Variants in PLD3 observed in about 807,000 individuals in gnomAD.
PLD3 encodes the protein phospholipase D family member 3.
A neutral mutation model predicts 58.4 loss-of-function variants in PLD3; 31 were observed. The ratio of observed to expected loss-of-function variants is 0.53; its 90% CI spans 0.40 to 0.72. The LOEUF (loss-of-function observed/expected upper bound fraction) is 0.72, where lower values mean the gene tolerates loss of function less well. PLD3 is among the 30% of genes least tolerant of loss of function. PLD3 has a pLI of 0.00. For synonymous variants in PLD3, 264 were observed against 273.4 expected (o/e 0.97, Z 0.34); for missense variants, 595 against 659.8 (o/e 0.90, Z 1.08).
At chr19:40,364,962 AAAAAG>A (rs796531103) in intron 1 of PLD3, among the ~76,000 whole-genome samples, 9 of 152,264 alleles carry the variant, frequency 5.9e-5, no homozygotes, top group East Asian at 1.9e-4. Context: ...CTGGCACTAA[AAAAAG>A]AAAAGAAAAG....
rs1207068005 is a variant in PLD3 at position 40,376,750 on chromosome 19, C to T, written c.1161C>T (p.Asn387=). The T allele has an allele frequency of 6.2e-7, 1 of 1,600,478 alleles. No homozygotes were observed. Among genetic ancestry groups the T allele is most frequent in the South Asian group, 1.1e-5 (1 of 91,078 alleles). Residue 387 remains asparagine (N), a synonymous_variant, in exon 11 of 13, where the codon AAC becomes AAT. Transcript: ENST00000409735. ...FLLSLAALRD[N]HTHSDIQVKL... ...TCTCTCTGGCTGCCCTGCGTGACAA[C>T]CATACCCACTCTGACATCCAGGTGG...
intron 1 of PLD3, among the ~76,000 whole-genome samples, chr19:40,349,001 C>T (rs1446363745): frequency 6.6e-6 from 1 of 151,992 alleles, no homozygotes; most frequent in African/African-American, 2.4e-5. Flanking sequence ...CTTCTGTCGC[C>T]ATCACCCTCT....
chr19:40,371,640 G>A lies in PLD3; in HGVS notation c.679-33G>A, dbSNP rs112577919. The A allele has an allele frequency of 5.4e-4, 810 of 1,496,754 alleles. 9 individuals are homozygous for A. The East Asian group carries it at 0.014, about 26-fold the overall frequency. The allele number at this position is 1,496,754 out of a possible 1,614,324, so 92.7% of individuals were successfully genotyped here. On this transcript the variant is annotated intron_variant, in intron 8 of 12. Coordinates refer to ENST00000409735, the MANE Select transcript of PLD3 (RefSeq NM_012268.4). ...CCCTGTCATCTGTGAGCACTAGGCC[G>A]CTATCGCTGAGCTCAGCACTGCCCT...
chr19:40,362,184 C>T (rs757225454), intron 1 of PLD3, among the ~76,000 whole-genome samples: 1 of 152,098 alleles, frequency 6.6e-6, no homozygotes, highest in Non-Finnish European at 1.5e-5. Flanking sequence ...ATCCCCAGTG[C>T]CTAAAACAAT....
At chr19:40,376,343 G>A (rs534761865) in intron 10 of PLD3, 57 of 412,164 alleles carry the variant, frequency 1.4e-4, no homozygotes, top group Admixed American at 2.2e-4. Context: ...CAACAAGAGC[G>A]AAATTCCACC....
intron 9 of PLD3, among the ~76,000 whole-genome samples, chr19:40,374,123 G>GC (rs1341384890): frequency 6.6e-6 from 1 of 152,012 alleles, no homozygotes; most frequent in East Asian, 1.9e-4. Flanking sequence ...TAGGCCATGT[G>GC]CAGTGAGGCC....
rs567926623 is a variant in PLD3, at chr19:40,355,600, C to T, written c.-279+6832C>T. Among the ~76,000 whole-genome samples the T allele has an allele frequency of 1.7e-3, 255 of 148,478 alleles. 1 individual carries two copies. Among genetic ancestry groups the T allele is most frequent in the Non-Finnish European group, 2.9e-3 (198 of 67,494 alleles). The stretch of plus-strand genomic sequence containing the variant: ...GTGCTTGGATTACAGGTGTGAGCCA[C>T]CGTGCCGGCTCCTTTTTTTTTTTTT... On this transcript the variant is annotated intron_variant, in intron 1 of 12. Transcript: ENST00000409735.
rs938974858 is a variant in PLD3 at position 40,378,393 on chromosome 19, G to A, written c.*220G>A. The A allele has an allele frequency of 3.1e-6, 2 of 651,912 alleles. No individual in the cohort carries two copies. 40.4% of individuals were successfully genotyped at this position (651,912 alleles called of 1,614,324 possible). On this transcript the variant is annotated 3_prime_UTR_variant, in exon 13 of 13. Transcript: ENST00000409735. ...GGAGGGATCAGCCCCCAAAGAAATG[G>A]GGGTGCATGCTGGGCCTGGCCCCCT...
At chr19:40,350,701 A>C (rs1332126627) in intron 1 of PLD3, among the ~76,000 whole-genome samples, 1 of 150,522 alleles carries the variant, frequency 6.6e-6, no homozygotes, top group Non-Finnish European at 1.5e-5. Context: ...TTGAGATCGC[A>C]CCACTGCACT....
intron 10 of PLD3, 28 bp from the exon 11 acceptor site, chr19:40,376,581 G>A (rs761387263): frequency 6.3e-7 from 1 of 1,598,626 alleles, no homozygotes; most frequent in Admixed American, 1.7e-5. Flanking sequence ...TCTGCATCCT[G>A]CCCCACCTCC....
chr19:40,373,196 C>G (rs1454205179), intron 9 of PLD3, among the ~76,000 whole-genome samples: 1 of 152,200 alleles, frequency 6.6e-6, no homozygotes, highest in African/African-American at 2.4e-5. Context: ...GGGTCTTTCA[C>G]TACAAGGGCC....
At chr19:40,375,487 A>G (rs1487958136) in intron 10 of PLD3, among the ~76,000 whole-genome samples, 1 of 151,118 alleles carries the variant, frequency 6.6e-6, no homozygotes, top group Admixed American at 6.6e-5. Context: ...CGTCTCTACT[A>G]AAAATACAAA....
At position 40,375,112 on chromosome 19, in the gene PLD3, C is replaced by T. The variant is rs962722724; in HGVS notation, c.1019+492C>T. On this transcript the variant is annotated intron_variant, in intron 10 of 12. Transcript: ENST00000409735. ...TGAAGGTTGCAGTGAGTTGAGATCG[C>T]GCCACTGCTCTCCAGCCTGTGCGAC... 5.3e-5 allele frequency among the ~76,000 whole-genome samples: 8 copies of T among 151,222 alleles called. No homozygotes were observed. The East Asian group carries it at 1.6e-3, about 30-fold the overall frequency.
At chr19:40,373,634 G>A (rs2079121001) in intron 9 of PLD3, among the ~76,000 whole-genome samples, 1 of 151,524 alleles carries the variant, frequency 6.6e-6, no homozygotes, top group Non-Finnish European at 1.5e-5. Context: ...AGGGCCTGGT[G>A]AGGCACTGGG....
chr19:40,375,852 G>A (rs1379168467), intron 10 of PLD3, among the ~76,000 whole-genome samples: 2 of 149,346 alleles, frequency 1.3e-5, no homozygotes, highest in East Asian at 2.0e-4. Context: ...AGGAGTTTGA[G>A]ACCAGCCTGG....
intron 1 of PLD3, among the ~76,000 whole-genome samples, chr19:40,350,012 G>A (rs1044434636): frequency 1.3e-5 from 2 of 149,622 alleles, no homozygotes; most frequent in Non-Finnish European, 3.0e-5. Flanking sequence ...TGTAATCCCA[G>A]CACTTTGGGA....
chr19:40,367,546 G>T, intron 5 of PLD3, 150 bp from the exon 6 acceptor site: 1 of 615,440 alleles, frequency 1.6e-6, no homozygotes, highest in Non-Finnish European at 2.7e-6. Flanking sequence ...GCGCCACTGC[G>T]CTTCCAGCCT....
intron 1 of PLD3, among the ~76,000 whole-genome samples, chr19:40,351,017 C>T (rs2078499494): frequency 6.6e-6 from 1 of 151,972 alleles, no homozygotes; most frequent in Middle Eastern, 3.4e-3. Flanking sequence ...GAAGGTGGAT[C>T]GCTGGAGCTC....
chr19:40,378,211 C>G lies in PLD3; in HGVS notation c.*38C>G. ...TGGGCAGGCCAAGGCCTGCTGGGCC[C>G]CCGCGGACCCAGGTGCTCTGGGTCA... On this transcript the variant is annotated 3_prime_UTR_variant, in exon 13 of 13. Coordinates refer to ENST00000409735, the MANE Select transcript of PLD3 (RefSeq NM_012268.4). The G allele has an allele frequency of 6.3e-7, 1 of 1,580,524 alleles. No individual in the cohort carries two copies. Among genetic ancestry groups the G allele is most frequent in the Non-Finnish European group, 8.6e-7 (1 of 1,160,212 alleles).
Sources: gnomAD v4.1 joint callset for allele counts (sites outside exome capture counted in the v4.1 genomes callset) on GRCh38, gnomAD v4.1.1 for gene constraint, MANE v1.5 for transcripts, NCBI Gene and HGNC (gene_info 2026-07-23, HGNC 2026-07-21) for gene names.